DENND4B: variants seen among roughly 807,000 people sequenced by gnomAD.
The protein encoded by DENND4B is DENN domain-containing protein 4B.
Under a neutral mutation model 161.0 loss-of-function variants are expected in DENND4B, and 67 were observed. That is an observed-to-expected ratio of 0.42 (90% CI 0.34 to 0.51). The LOEUF (loss-of-function observed/expected upper bound fraction) is 0.51, where lower values mean the gene tolerates loss of function less well. DENND4B is among the 20% of genes least tolerant of loss of function. The pLI is 0.08. For missense variants in DENND4B, 1,481 were observed against 1,968.0 expected (o/e 0.75, Z 4.68); for synonymous variants, 753 against 813.8 (o/e 0.93, Z 1.27).
At position 153,944,137 on chromosome 1, in the gene DENND4B, T is replaced by A; in HGVS notation, c.238A>T (p.Ser80Cys). 6.2e-7 allele frequency: 1 copy of A among 1,612,434 alleles called. No homozygotes were observed. The highest frequency in any genetic ancestry group is 1.1e-5 in the South Asian group (1 of 90,886). Residue 80 changes from serine to cysteine, a missense_variant, in exon 2 of 28, where the codon AGT becomes TGT. By Grantham distance (112) the Ser-to-Cys change is moderately radical (BLOSUM62 -1). Transcript: ENST00000361217. The surrounding 1 kb of genome is among the most constrained non-coding windows in gnomAD (Gnocchi z 4.8). ...ASAGGHPLELSAGLLGGTQPV... is the reference protein window; with the variant it reads ...ASAGGHPLELCAGLLGGTQPV... ...TGAGTTCCACCCAGAAGTCCAGCAC[T>A]GAGTTCCAAGGGGTGGCCCCCAGCA...
chr1:153,945,009 C>A, intron 1 of DENND4B: 1 of 1,092,568 alleles, frequency 9.2e-7, no homozygotes, highest in South Asian at 1.5e-5. Flanking sequence ...AGTGTTCTCA[C>A]ACCTCCAGGA....
At position 153,930,828 on chromosome 1, in the gene DENND4B, C is replaced by A; in HGVS notation, c.4144G>T (p.Gly1382Cys). 2 of 1,602,204 alleles carry A rather than the reference C, an allele frequency of 1.2e-6. No homozygotes were observed. Among genetic ancestry groups the A allele is most frequent in the Admixed American group, 1.7e-5 (1 of 58,260 alleles). ...SQIPQRVVWP[G>C]PVPASLSLAL... ...AAACTAAGGGATGCAGGTACAGGGC[C>A]TGGCCATACCACCCGCTGGGGGATC... Residue 1382 changes from glycine to cysteine, a missense_variant, in exon 26 of 28, where the codon GGC (glycine) becomes TGC (cysteine). Transcript: ENST00000361217. The surrounding 1 kb of genome is among the most constrained non-coding windows in gnomAD (Gnocchi z 4.7).
At position 153,933,188 on chromosome 1, in the gene DENND4B, T is replaced by TCAAGCAC; in HGVS notation, c.3453+8_3453+9insGTGCTTG. On this transcript the variant is annotated intron_variant, in intron 21 of 27. Transcript: ENST00000361217. The surrounding 1 kb of genome is among the most constrained non-coding windows in gnomAD (Gnocchi z 5.7). Reference sequence around the variant, plus strand: ...TCAAGCACATCTGTGTGGGAGGGGTTATCCTCACTTCCAGGGAAGGTGACT... The same window carrying TCAAGCAC: ...TCAAGCACATCTGTGTGGGAGGGGTTCAAGCACATCCTCACTTCCAGGGAAGGTGACT... 6.2e-7 allele frequency: 1 copy of TCAAGCAC among 1,612,886 alleles called. No homozygotes were observed. Among genetic ancestry groups the TCAAGCAC allele is most frequent in the East Asian group, 2.2e-5 (1 of 44,846 alleles).
chr1:153,946,537 C>T lies in DENND4B; in HGVS notation c.-260G>A. ...CCCGCCGCGCTGCGCCACGCGGGGACTGTGCTGCCGCGCTGCTCGCTCGGC... is the reference window on the plus strand; with the variant it reads ...CCCGCCGCGCTGCGCCACGCGGGGATTGTGCTGCCGCGCTGCTCGCTCGGC... On this transcript the variant is annotated 5_prime_UTR_variant, in exon 1 of 28. Transcript: ENST00000361217. The surrounding 1 kb of genome is among the most constrained non-coding windows in gnomAD (Gnocchi z 6.3). The T allele has an allele frequency of 2.6e-6, 1 of 390,154 alleles. No individual in the cohort carries two copies. The highest frequency in any genetic ancestry group is 3.6e-5 in the East Asian group (1 of 27,398). 24.2% of individuals were successfully genotyped at this position (390,154 alleles called of 1,614,324 possible). A position where few individuals can be genotyped will look rare whatever the true frequency, so the allele number is the denominator to read the frequency against.
In DENND4B at chr1:153,938,891, G is replaced by T. The variant is rs1329442616; in HGVS notation, c.1965+9C>A. On this transcript the variant is annotated intron_variant, in intron 13 of 27. Coordinates refer to ENST00000361217, the MANE Select transcript of DENND4B (RefSeq NM_014856.3). ...AGAGGCCAATGAGCACATAGAGAAG[G>T]GATGATACCTTTTCAACACAAGAGT... is the stretch of plus-strand genomic sequence containing the variant. 1.3e-6 allele frequency: 2 copies of T among 1,575,904 alleles called. No homozygotes were observed. The highest frequency in any genetic ancestry group is 1.7e-6 in the Non-Finnish European group (2 of 1,160,796).
intron 2 of DENND4B, among the ~76,000 whole-genome samples, chr1:153,943,440 G>A (rs1319525886): frequency 6.6e-6 from 1 of 152,192 alleles, no homozygotes; most frequent in African/African-American, 2.4e-5. Flanking sequence ...CACTTTGGGA[G>A]GCCAAGGCAG....
At chr1:153,943,206 A>G in intron 2 of DENND4B, 76 bp from the exon 3 acceptor site, 14 of 1,537,846 alleles carry the variant, frequency 9.1e-6, no homozygotes, top group South Asian at 1.2e-5. Context: ...AGATCTGCCT[A>G]TCTAATCCCC....
At chr1:153,931,993 G>A (rs893318956) in intron 24 of DENND4B, among the ~76,000 whole-genome samples, 1 of 151,196 alleles carries the variant, frequency 6.6e-6, no homozygotes, top group African/African-American at 2.4e-5. Context: ...TTTTAGTAGA[G>A]ACAGGGTTTC....
At position 153,934,769 on chromosome 1, in the gene DENND4B, A is replaced by T; in HGVS notation, c.2764T>A (p.Ser922Thr). The T allele has an allele frequency of 3.7e-6, 6 of 1,612,496 alleles. No individual in the cohort carries two copies. Among genetic ancestry groups the T allele is most frequent in the Non-Finnish European group, 5.1e-6 (6 of 1,179,654 alleles). The change falls in exon 18 of 28, where the codon TCC becomes ACC. Residue 922 changes from serine (S) to threonine (T), a missense_variant. Ser to Thr is a moderately conservative substitution (Grantham distance 58, BLOSUM62 1). Around this residue, in one of 3 missense-constraint regions of DENND4B, gnomAD observed 339 missense variants for 330.3 expected, o/e 1.03. Coordinates refer to ENST00000361217, the MANE Select transcript of DENND4B (RefSeq NM_014856.3). The surrounding 1 kb of genome is among the most constrained non-coding windows in gnomAD (Gnocchi z 5.3). ...ACCAGGCCCTACCCACCTGCCTGGGAGCTGCCTGCCTCTTGATGTGCTGAC... is the reference window on the plus strand; with the variant it reads ...ACCAGGCCCTACCCACCTGCCTGGGTGCTGCCTGCCTCTTGATGTGCTGAC... ...QVSAHQEAGS[S>T]QAEPYLERPS...
Position 153,937,537 on chromosome 1 carries a change from C to A in DENND4B, c.2183G>T (p.Gly728Val), listed in dbSNP as rs747597603. The A allele has an allele frequency of 1.2e-6, 2 of 1,607,752 alleles. No homozygotes were observed. Among genetic ancestry groups the A allele is most frequent in the East Asian group, 4.5e-5 (2 of 44,622 alleles). ...ACTGCTGGGGGCGCTACGGGAAGGG[C>A]CTGGCACAGGCAGGGCCCCAGGTTG... ...QEQPGALPVP[G>V]PSRSAPSSPA... Residue 728 changes from glycine to valine, a missense_variant, in exon 15 of 28, where the codon GGC becomes GTC. This residue lies in a region of DENND4B where 806 missense variants were observed against 1,134.4 expected (regional missense o/e 0.71). Coordinates refer to ENST00000361217, the MANE Select transcript of DENND4B (RefSeq NM_014856.3). The surrounding 1 kb of genome is among the most constrained non-coding windows in gnomAD (Gnocchi z 4.7).
rs1209124140 is a variant in DENND4B at position 153,932,694 on chromosome 1, C to T, written c.3707G>A (p.Arg1236Gln). Residue 1236 changes from arginine (R) to glutamine (Q), a missense_variant, in exon 23 of 28, where the codon CGA becomes CAA. By Grantham distance (43) the Arg-to-Gln change is conservative. This residue lies in a region of DENND4B where 336 missense variants were observed against 503.3 expected (regional missense o/e 0.67). Coordinates refer to ENST00000361217, the MANE Select transcript of DENND4B (RefSeq NM_014856.3). This position sits in a 1 kb window ranked among gnomAD's most constrained non-coding sequence, Gnocchi z 5.8. ...PGGPGPVLSD[R>Q]RLCLALDEPQ... ...CTCATCCAGAGCAAGGCAGAGCCTT[C>T]GGTCACTGAGCACAGGGCCAGGACC... 4.3e-6 allele frequency: 7 copies of T among 1,613,942 alleles called. No homozygotes were observed. Among genetic ancestry groups the T allele is most frequent in the Admixed American group, 3.3e-5 (2 of 60,008 alleles).
Position 153,933,946 on chromosome 1 carries a change from A to G in DENND4B, c.2942-75T>C, listed in dbSNP as rs755102872. 6 of 1,558,668 alleles carry G rather than the reference A, an allele frequency of 3.8e-6. No individual in the cohort carries two copies. Among genetic ancestry groups the G allele is most frequent in the Non-Finnish European group, 5.2e-6 (6 of 1,159,164 alleles). Reference sequence around the variant, plus strand: ...ACTTCCCCTTTCCTGAATAAACACAATTCCTGGCTGCACAAACTCTGGTGC... The same window carrying G: ...ACTTCCCCTTTCCTGAATAAACACAGTTCCTGGCTGCACAAACTCTGGTGC... On this transcript the variant is annotated intron_variant, in intron 19 of 27. Coordinates refer to ENST00000361217, the MANE Select transcript of DENND4B (RefSeq NM_014856.3). This position sits in a 1 kb window ranked among gnomAD's most constrained non-coding sequence, Gnocchi z 5.7.
At chr1:153,943,545 G>A (rs1679792523) in intron 2 of DENND4B, among the ~76,000 whole-genome samples, 1 of 152,036 alleles carries the variant, frequency 6.6e-6, no homozygotes, top group Non-Finnish European at 1.5e-5. Flanking sequence ...GGACGTGGTG[G>A]CACATGCCTA....
Position 153,940,565 on chromosome 1 carries a change from C to G in DENND4B, c.1368G>C (p.Leu456=). ...PLHWQCPYIP[L]CPLVLADVLS... ...GCACATCTGCCAGCACCAGCGGGCACAGAGGAATGTAGGGGCACTGCCAGT... is the reference window on the plus strand; with the variant it reads ...GCACATCTGCCAGCACCAGCGGGCAGAGAGGAATGTAGGGGCACTGCCAGT... Residue 456 remains leucine (L), a synonymous_variant, in exon 10 of 28, where the codon CTG becomes CTC. Coordinates refer to ENST00000361217, the MANE Select transcript of DENND4B (RefSeq NM_014856.3). This position sits in a 1 kb window ranked among gnomAD's most constrained non-coding sequence, Gnocchi z 5.6. 1 of 1,613,524 alleles carries G rather than the reference C, an allele frequency of 6.2e-7. No individual in the cohort carries two copies.
chr1:153,941,869 G>A lies in DENND4B; in HGVS notation c.1055C>T (p.Ala352Val), dbSNP rs766715207. The A allele has an allele frequency of 1.2e-5, 19 of 1,606,402 alleles. No homozygotes were observed. The highest frequency in any genetic ancestry group is 2.2e-5 in the East Asian group (1 of 44,500). ...CCAATGGCAGAGGAGCCATGCTCAC[G>A]CTTCCAAGGGTAGGCGGTGGGGGCC... ...VSGPHRLPLE[A>V]HISHFIHNVP... is the part of the protein sequence containing the mutation. The change falls in exon 6 of 28, where the codon GCG (alanine) becomes GTG (valine). Residue 352 changes from alanine to valine, a missense_variant and splice_region_variant. Ala to Val is a moderately conservative substitution (Grantham distance 64). Coordinates refer to ENST00000361217, the MANE Select transcript of DENND4B (RefSeq NM_014856.3).
chr1:153,940,346 G>A lies in DENND4B; in HGVS notation c.1502+85C>T. The A allele has an allele frequency of 6.4e-7, 1 of 1,565,448 alleles. No individual in the cohort carries two copies. Among genetic ancestry groups the A allele is most frequent in the South Asian group, 1.2e-5 (1 of 84,820 alleles). On this transcript the variant is annotated intron_variant, in intron 10 of 27. Coordinates refer to ENST00000361217, the MANE Select transcript of DENND4B (RefSeq NM_014856.3). The surrounding 1 kb of genome is among the most constrained non-coding windows in gnomAD (Gnocchi z 5.6). ...CAGCCTCCCTCACTTTGTGCCTGAAGCTCTTTTTGAGCCCGTAGCACTCCA... is the reference window on the plus strand; with the variant it reads ...CAGCCTCCCTCACTTTGTGCCTGAAACTCTTTTTGAGCCCGTAGCACTCCA...
At position 153,940,322 on chromosome 1, in the gene DENND4B, A is replaced by G; in HGVS notation, c.1503-66T>C. On this transcript the variant is annotated intron_variant, in intron 10 of 27. Transcript: ENST00000361217. This position sits in a 1 kb window ranked among gnomAD's most constrained non-coding sequence, Gnocchi z 5.6. ...GGATAGGGTGACGGGGTTCCTTGCC[A>G]GCCTCCCTCACTTTGTGCCTGAAGC... 4.5e-6 allele frequency: 7 copies of G among 1,561,614 alleles called. No individual in the cohort carries two copies. Among genetic ancestry groups the G allele is most frequent in the Non-Finnish European group, 6.1e-6 (7 of 1,150,454 alleles).
Position 153,929,664 on chromosome 1 carries a change from C to G in DENND4B, c.*633G>C, listed in dbSNP as rs1678792107. 1 of 152,150 alleles carries G rather than the reference C, an allele frequency of 6.6e-6. No homozygotes were observed. Among genetic ancestry groups the G allele is most frequent in the African/African-American group, 2.4e-5 (1 of 41,402 alleles). The allele number at this position is 152,150 out of a possible 1,614,324, so 9.4% of individuals were successfully genotyped here. ...GGGCACCAGTTCTTCCTAAGGGGAG[C>G]TTGAGACTCCTCTAGCTCCCAGTGC... On this transcript the variant is annotated 3_prime_UTR_variant, in exon 28 of 28. Transcript: ENST00000361217.
At position 153,939,493 on chromosome 1, in the gene DENND4B, G is replaced by A. The variant is rs372236505; in HGVS notation, c.1819+96C>T. On this transcript the variant is annotated intron_variant, in intron 12 of 27. Transcript: ENST00000361217. ...TTGCCTAGTGAAGGAATAAACAATG[G>A]AGTGGCTCCCAGTCCCCTCCGCCTT... is the stretch of plus-strand genomic sequence containing the variant. 296 of 1,342,992 alleles carry A rather than the reference G, an allele frequency of 2.2e-4. No individual in the cohort carries two copies. The East Asian group carries it at 6.0e-3, about 27-fold the overall frequency. 83.2% of individuals were successfully genotyped at this position (1,342,992 alleles called of 1,614,324 possible).
Sources: allele counts gnomAD v4.1 joint callset (sites outside exome capture counted in the v4.1 genomes callset), GRCh38; gene constraint gnomAD v4.1.1; regional missense constraint gnomAD v4.1.1; non-coding constraint Gnocchi (gnomAD v3.1); transcripts MANE v1.5; gene names NCBI Gene and HGNC (gene_info 2026-07-23, HGNC 2026-07-21).